Variants in ANAPC10 observed in about 807,000 individuals in gnomAD.
The protein encoded by ANAPC10 is anaphase-promoting complex subunit 10.
Under a neutral mutation model 22.0 loss-of-function variants are expected in ANAPC10, and 12 were observed. The ratio of observed to expected loss-of-function variants is 0.55; its 90% CI spans 0.35 to 0.88. The LOEUF (loss-of-function observed/expected upper bound fraction) is 0.88, where lower values mean the gene tolerates loss of function less well. ANAPC10 is among the 40% of genes least tolerant of loss of function. The probability of loss-of-function intolerance (pLI) is 0.01; values close to 1 mark genes in which losing one functional copy is unlikely to be tolerated. For missense variants in ANAPC10, 188 were observed against 220.9 expected, an observed-to-expected ratio of 0.85 and a Z score of 0.94; for synonymous variants, 65 against 69.5, an observed-to-expected ratio of 0.94 and a Z score of 0.32.
At chr4:145,042,512 T>C (rs1048920472) in intron 4 of ANAPC10, among the ~76,000 whole-genome samples, 1 of 152,186 alleles carries the variant, frequency 6.6e-6, no homozygotes, top group Non-Finnish European at 1.5e-5. Flanking sequence ...ATTTCTCACC[T>C]TCAATACTTT....
At position 145,007,374 on chromosome 4, in the gene ANAPC10, A is replaced by G. The variant is rs189568990; in HGVS notation, c.328-11771T>C. ...ACCCCACACGCTTATTCCAAAATTGACCACATAGTTGGAAGTAAAGCATCC... is the reference window on the plus strand; with the variant it reads ...ACCCCACACGCTTATTCCAAAATTGGCCACATAGTTGGAAGTAAAGCATCC... On this transcript the variant is annotated intron_variant, in intron 4 of 4. Coordinates refer to ENST00000507656, the MANE Select transcript of ANAPC10 (RefSeq NM_001256706.2). 2.5e-3 allele frequency among the ~76,000 whole-genome samples: 377 copies of G among 152,282 alleles called. 2 individuals are homozygous for G. Among genetic ancestry groups the G allele is most frequent in the African/African-American group, 8.8e-3 (367 of 41,536 alleles).
At chr4:144,996,818 G>A (rs183219790) in intron 4 of ANAPC10, among the ~76,000 whole-genome samples, 59 of 152,182 alleles carry the variant, frequency 3.9e-4, no homozygotes, top group Admixed American at 6.5e-4. Context: ...CGAACCCATC[G>A]CAAAGAAGCT....
At position 144,995,100 on chromosome 4, in the gene ANAPC10, T is replaced by C. The variant is rs1227816968; in HGVS notation, c.*273A>G. On this transcript the variant is annotated 3_prime_UTR_variant, in exon 5 of 5. Transcript: ENST00000507656. ...TTTCAGTTCAACTCTTTTCTTTTGA[T>C]ACAAGGAACTCTTTTCTTTTGATAC... The C allele has an allele frequency of 4.3e-6, 1 of 231,758 alleles. No homozygotes were observed. The highest frequency in any genetic ancestry group is 8.4e-6 in the Non-Finnish European group (1 of 119,366). The allele number at this position is 231,758 out of a possible 1,614,324, so 14.4% of individuals were successfully genotyped here.
chr4:145,048,441 C>T (rs1208292814), intron 4 of ANAPC10, among the ~76,000 whole-genome samples: 1 of 152,148 alleles, frequency 6.6e-6, no homozygotes, highest in African/African-American at 2.4e-5. Flanking sequence ...ACAGTCAACA[C>T]GAAGTGGGTA....
rs147902102 is a variant in ANAPC10 at position 145,019,548 on chromosome 4, C to T, written c.328-23945G>A. On this transcript the variant is annotated intron_variant, in intron 4 of 4. Coordinates refer to ENST00000507656, the MANE Select transcript of ANAPC10 (RefSeq NM_001256706.2). ...CACACCTCAAGGAACTAGAGAAACA[C>T]GAACAAACCAAACCCAAACCCAGCA... is the stretch of plus-strand genomic sequence containing the variant. Among the ~76,000 whole-genome samples the T allele has an allele frequency of 6.1e-3, 928 of 151,990 alleles. 11 individuals carry two copies. The highest frequency in any genetic ancestry group is 0.022 in the African/African-American group (901 of 41,470).
chr4:145,048,357 C>A (rs547776936), intron 4 of ANAPC10, among the ~76,000 whole-genome samples: 84 of 152,142 alleles, frequency 5.5e-4, no homozygotes, highest in African/African-American at 1.9e-3. Flanking sequence ...TAACTGAGGG[C>A]CAAGATTAGT....
At chr4:145,011,942 G>C (rs1315763634) in intron 4 of ANAPC10, among the ~76,000 whole-genome samples, 1 of 152,050 alleles carries the variant, frequency 6.6e-6, no homozygotes, top group Non-Finnish European at 1.5e-5. Flanking sequence ...TGAGGGGCTA[G>C]GCCCCAGAAG....
intron 4 of ANAPC10, chr4:144,999,170 C>G (rs773707795): frequency 6.6e-6 from 1 of 152,246 alleles, no homozygotes; most frequent in African/African-American, 2.4e-5. Context: ...GATTAAGAGA[C>G]GAATTCTACC....
At chr4:145,080,134 A>C (rs957296948) in intron 3 of ANAPC10, among the ~76,000 whole-genome samples, 11 of 150,658 alleles carry the variant, frequency 7.3e-5, no homozygotes, top group African/African-American at 2.4e-4. Context: ...AAAAAAAAAA[A>C]AAAACACACA....
chr4:145,040,193 C>T (rs1470447232), intron 4 of ANAPC10, among the ~76,000 whole-genome samples: 4 of 151,400 alleles, frequency 2.6e-5, no homozygotes, highest in East Asian at 1.9e-4. Flanking sequence ...TCTTGATGCC[C>T]GGGCTGGAGT....
intron 4 of ANAPC10, 114 bp from the exon 5 acceptor site, chr4:144,995,717 T>A: frequency 1.4e-6 from 1 of 729,476 alleles, no homozygotes; most frequent in South Asian, 2.0e-5. Flanking sequence ...AACGAAAGAA[T>A]GACAATATGA....
At chr4:145,034,557 G>A (rs1369927031) in intron 4 of ANAPC10, among the ~76,000 whole-genome samples, 25 of 122,074 alleles carry the variant, frequency 2.0e-4, no homozygotes, top group South Asian at 1.1e-3. Context: ...GTGTGTGTGT[G>A]TGTGTGTGTG....
At chr4:145,064,407 A>C (rs1246733324) in intron 4 of ANAPC10, 165 bp downstream of exon 4, 2 of 454,062 alleles carry the variant, frequency 4.4e-6, no homozygotes, top group African/African-American at 4.0e-5. Context: ...TAAAGAGAAC[A>C]ATCAGAATTC....
intron 4 of ANAPC10, among the ~76,000 whole-genome samples, chr4:145,047,764 A>G (rs1419153727): frequency 7.9e-5 from 12 of 152,176 alleles, no homozygotes. Context: ...TGATGAGATT[A>G]TTGTTCAACT....
intron 1 of ANAPC10, among the ~76,000 whole-genome samples, chr4:145,096,613 T>G (rs911971324): frequency 6.6e-6 from 1 of 152,224 alleles, no homozygotes; most frequent in African/African-American, 2.4e-5. Context: ...TGCAGTTCTA[T>G]AATTCTGTGC....
chr4:145,097,461 T>C (rs1248992034), intron 1 of ANAPC10: 56 of 1,284,826 alleles, frequency 4.4e-5, no homozygotes, highest in Non-Finnish European at 5.6e-5. Context: ...TTGTTATATA[T>C]GCTATTCAAA....
chr4:145,084,435 A>G (rs943216179), intron 2 of ANAPC10, among the ~76,000 whole-genome samples: 2 of 152,208 alleles, frequency 1.3e-5, no homozygotes, highest in African/African-American at 4.8e-5. Context: ...ATTGGTGTGA[A>G]GCAGGAAATA....
At chr4:145,005,176 G>A (rs1443026612) in intron 4 of ANAPC10, among the ~76,000 whole-genome samples, 2 of 151,962 alleles carry the variant, frequency 1.3e-5, no homozygotes, top group African/African-American at 4.8e-5. Context: ...TCAGTCTCCT[G>A]TGTAGCTGGG....
chr4:145,058,331 T>C (rs575830872), intron 4 of ANAPC10, among the ~76,000 whole-genome samples: 3 of 152,302 alleles, frequency 2.0e-5, no homozygotes, highest in African/African-American at 7.2e-5. Flanking sequence ...TGCACCTGAA[T>C]AGGCTTTGTA....
Sources: allele counts gnomAD v4.1 joint callset (sites outside exome capture counted in the v4.1 genomes callset), GRCh38; gene constraint gnomAD v4.1.1; transcripts MANE v1.5; gene names NCBI Gene and HGNC (gene_info 2026-07-23, HGNC 2026-07-21).